The following BCL11A variants were observed in gnomAD, a reference collection of about 807,000 sequenced individuals.
The protein encoded by BCL11A is BCL11 transcription factor A.
Under a neutral mutation model 55.9 loss-of-function variants are expected in BCL11A, and 2 were observed. The ratio of observed to expected loss-of-function variants is 0.04; its 90% CI spans 0.01 to 0.11. The LOEUF (loss-of-function observed/expected upper bound fraction) is 0.11, where lower values mean the gene tolerates loss of function less well. BCL11A is among the 10% of genes least tolerant of loss of function. The pLI, the probability that BCL11A is intolerant of heterozygous loss-of-function variation, is 1.00. For missense variants in BCL11A, 817 were observed against 1,137.1 expected (o/e 0.72, Z 4.05); for synonymous variants, 465 against 473.4 (o/e 0.98, Z 0.23).
chr2:60,466,642 G>A (rs898550772), intron 3 of BCL11A, among the ~76,000 whole-genome samples: 6 of 152,208 alleles, frequency 3.9e-5, no homozygotes, highest in Non-Finnish European at 8.8e-5. Context: ...GTCTCAGGGT[G>A]CATGCCCTGC....
At chr2:60,527,413 G>C (rs141450091) in intron 2 of BCL11A, 4 of 152,318 alleles carry the variant, frequency 2.6e-5, no homozygotes, top group Non-Finnish European at 4.4e-5. Flanking sequence ...AGGGTATGTA[G>C]AGACAATGAA....
intron 2 of BCL11A, chr2:60,508,765 A>C (rs1057471193): frequency 6.6e-6 from 1 of 152,280 alleles, no homozygotes. Context: ...CTCCTTGGCG[A>C]CAGGGCTGGA....
chr2:60,463,682 A>AAT (rs998498255), intron 3 of BCL11A, among the ~76,000 whole-genome samples: 242 of 151,326 alleles, frequency 1.6e-3, no homozygotes, highest in African/African-American at 4.9e-3. Context: ...AGCTACATTA[A>AAT]ATATATATAT....
chr2:60,504,475 C>T (rs538356822), intron 2 of BCL11A, among the ~76,000 whole-genome samples: 1 of 152,350 alleles, frequency 6.6e-6, no homozygotes, highest in East Asian at 1.9e-4. Context: ...AAGTCAACCT[C>T]TGACTACTTC....
At chr2:60,498,550 C>G (rs1480966507) in intron 2 of BCL11A, among the ~76,000 whole-genome samples, 1 of 152,178 alleles carries the variant, frequency 6.6e-6, no homozygotes, top group Non-Finnish European at 1.5e-5. Context: ...TAGAATTGGC[C>G]TGGGACATTC....
intron 2 of BCL11A, among the ~76,000 whole-genome samples, chr2:60,490,525 C>T (rs907258142): frequency 6.6e-6 from 1 of 152,210 alleles, no homozygotes; most frequent in African/African-American, 2.4e-5. Context: ...GAATCCTGCT[C>T]ATACTTCAAG....
At chr2:60,468,087 T>TGG (rs1236159824) in intron 3 of BCL11A, among the ~76,000 whole-genome samples, 1 of 143,730 alleles carries the variant, frequency 7.0e-6, no homozygotes, top group African/African-American at 2.6e-5. Context: ...ATGGTGGTGG[T>TGG]TGTGGTGGTG....
intron 2 of BCL11A, among the ~76,000 whole-genome samples, chr2:60,513,449 A>C (rs1022745649): frequency 1.3e-5 from 2 of 152,108 alleles, no homozygotes; most frequent in Non-Finnish European, 2.9e-5. Context: ...AGATCCCCTC[A>C]AGCCAGCCAC....
chr2:60,502,519 G>A (rs1408849228), intron 2 of BCL11A, among the ~76,000 whole-genome samples: 1 of 152,180 alleles, frequency 6.6e-6, no homozygotes, highest in Non-Finnish European at 1.5e-5. Flanking sequence ...GGGATCTCAG[G>A]TATTGCTCCT....
chr2:60,514,613 A>G (rs1668646347), intron 2 of BCL11A, among the ~76,000 whole-genome samples: 1 of 151,322 alleles, frequency 6.6e-6, no homozygotes, highest in Admixed American at 6.6e-5. Flanking sequence ...GGCTGCAATG[A>G]GCCGAGATCG....
At chr2:60,513,368 T>A (rs898524656) in intron 2 of BCL11A, among the ~76,000 whole-genome samples, 2 of 152,150 alleles carry the variant, frequency 1.3e-5, no homozygotes, top group African/African-American at 4.8e-5. Context: ...TCAGGAGCCA[T>A]CTGCCGGGTG....
chr2:60,501,390 C>A (rs1679267610), intron 2 of BCL11A, among the ~76,000 whole-genome samples: 3 of 152,064 alleles, frequency 2.0e-5, no homozygotes, highest in Admixed American at 2.0e-4. Flanking sequence ...ATGAAGAACA[C>A]TCTTGTAATA....
intron 3 of BCL11A, among the ~76,000 whole-genome samples, chr2:60,468,287 A>G (rs954421917): frequency 5.9e-5 from 9 of 152,204 alleles, no homozygotes; most frequent in African/African-American, 1.9e-4. Flanking sequence ...ATGTAAATAC[A>G]TAAGGAATAT....
intron 2 of BCL11A, among the ~76,000 whole-genome samples, chr2:60,488,624 T>G (rs1678427700): frequency 6.6e-6 from 1 of 152,254 alleles, no homozygotes; most frequent in Admixed American, 6.5e-5. Context: ...GCAGGGGAAT[T>G]CGGTAAAACT....
At position 60,458,394 on chromosome 2, in the gene BCL11A, T is replaced by A; in HGVS notation, c.*2010A>T. The A allele has an allele frequency of 9.8e-7, 1 of 1,023,698 alleles. No homozygotes were observed. Among genetic ancestry groups the A allele is most frequent in the African/African-American group, 1.7e-5 (1 of 58,796 alleles). The allele number at this position is 1,023,698 out of a possible 1,614,324, so 63.4% of individuals were successfully genotyped here. A position where few individuals can be genotyped will look rare whatever the true frequency, so the allele number is the denominator to read the frequency against. The stretch of plus-strand genomic sequence containing the variant: ...AAGACAATGGAACCCTAAAATGCAG[T>A]TCCCCCCTAAACATAATGAAGTGTT... On this transcript the variant is annotated 3_prime_UTR_variant, in exon 4 of 4. Transcript: ENST00000642384.
rs954418613 is a variant in BCL11A at position 60,459,550 on chromosome 2, G to A, written c.*854C>T. 1 of 1,024,490 alleles carries A rather than the reference G, an allele frequency of 9.8e-7. No homozygotes were observed. Among genetic ancestry groups the A allele is most frequent in the African/African-American group, 1.7e-5 (1 of 58,896 alleles). The allele number at this position is 1,024,490 out of a possible 1,614,324, so 63.5% of individuals were successfully genotyped here. On this transcript the variant is annotated 3_prime_UTR_variant, in exon 4 of 4. Coordinates refer to ENST00000642384, the MANE Select transcript of BCL11A (RefSeq NM_022893.4). ...TGGGTCATCTTTTTAGGTAGCCATT[G>A]TTGTGAGAAATACAATATAGAATTA...
Position 60,514,114 on chromosome 2 carries a change from G to A in BCL11A, c.385+31857C>T, listed in dbSNP as rs931381299. Among the ~76,000 whole-genome samples the A allele has an allele frequency of 2.3e-4, 35 of 152,336 alleles. 1 individual carries two copies. Among genetic ancestry groups the A allele is most frequent in the African/African-American group, 7.5e-4 (31 of 41,568 alleles). On this transcript the variant is annotated intron_variant, in intron 2 of 3. Coordinates refer to ENST00000642384, the MANE Select transcript of BCL11A (RefSeq NM_022893.4). ...TCCTTGTGGACTTTCCTGAGAGCAC[G>A]TGCAGCTAGCAGTGCTCCAAGCACT...
chr2:60,468,484 G>A (rs564856083), intron 3 of BCL11A, among the ~76,000 whole-genome samples: 1 of 152,234 alleles, frequency 6.6e-6, no homozygotes, highest in Non-Finnish European at 1.5e-5. Context: ...CAAGACCCTG[G>A]GGAGAAGACC....
intron 2 of BCL11A, among the ~76,000 whole-genome samples, chr2:60,509,284 G>A (rs1679838699): frequency 6.6e-6 from 1 of 152,188 alleles, no homozygotes; most frequent in Admixed American, 6.5e-5. Flanking sequence ...CAAGGAAAAA[G>A]GCTCTATGTG....
Sources: allele counts gnomAD v4.1 joint callset (sites outside exome capture counted in the v4.1 genomes callset), GRCh38; gene constraint gnomAD v4.1.1; transcripts MANE v1.5; gene names NCBI Gene and HGNC (gene_info 2026-07-23, HGNC 2026-07-21).